The following KCNH7 variants were observed in gnomAD, a reference collection of about 807,000 sequenced individuals.
The protein encoded by KCNH7 is potassium voltage-gated channel subfamily H member 7, also known as voltage-gated inwardly rectifying potassium channel KCNH7.
KCNH7 carries 49 observed loss-of-function variants against 120.8 expected under a neutral mutation model. The observed-to-expected ratio is 0.41, with a 90% CI of 0.32 to 0.51. The LOEUF is 0.51. KCNH7 is among the 20% of genes least tolerant of loss of function. The pLI is 0.38. For synonymous variants in KCNH7, 547 were observed against 516.1 expected (o/e 1.06, Z -0.81); for missense variants, 1,097 against 1,446.6 (o/e 0.76, Z 3.92).
chr2:162,543,804 T>C (rs141684015), intron 2 of KCNH7, among the ~76,000 whole-genome samples: 35 of 152,160 alleles, frequency 2.3e-4, no homozygotes, highest in African/African-American at 7.9e-4. Context: ...GTGGGGAAGG[T>C]CAAATCAGAT....
chr2:162,565,162 G>C (rs1409486626), intron 2 of KCNH7, among the ~76,000 whole-genome samples: 1 of 152,078 alleles, frequency 6.6e-6, no homozygotes, highest in Non-Finnish European at 1.5e-5. Flanking sequence ...CTAGGAAGGA[G>C]TAATTATTTT....
intron 12 of KCNH7, among the ~76,000 whole-genome samples, chr2:162,387,288 T>C (rs1204028539): frequency 6.7e-6 from 1 of 150,064 alleles, no homozygotes; most frequent in Non-Finnish European, 1.5e-5. Context: ...GAAATGACAA[T>C]CTATTTGTAG....
intron 9 of KCNH7, among the ~76,000 whole-genome samples, chr2:162,421,315 G>A (rs938630179): frequency 4.6e-5 from 7 of 152,198 alleles, no homozygotes; most frequent in East Asian, 3.9e-4. Context: ...AATGCAAACC[G>A]TATACCCATA....
In KCNH7 at chr2:162,596,400, T is replaced by C. The variant is rs558003781; in HGVS notation, c.308-59320A>G. The stretch of plus-strand genomic sequence containing the variant: ...GACAGAGAGCCCAGAAATAAACTTA[T>C]GTAGCTATGGTCAATTGATTTTTTT... On this transcript the variant is annotated intron_variant, in intron 2 of 15. Transcript: ENST00000332142. Among the ~76,000 whole-genome samples, 10 of 152,164 alleles carry C rather than the reference T, an allele frequency of 6.6e-5. No homozygotes were observed. In the South Asian group the frequency reaches 2.1e-3, roughly 32 times the overall value.
chr2:162,596,574 A>T (rs1364974903), intron 2 of KCNH7, among the ~76,000 whole-genome samples: 1 of 152,082 alleles, frequency 6.6e-6, no homozygotes, highest in Non-Finnish European at 1.5e-5. Flanking sequence ...TTAAAGCCTT[A>T]AGTGTAAGGC....
chr2:162,709,606 C>T (rs1399131628), intron 2 of KCNH7, among the ~76,000 whole-genome samples: 1 of 151,970 alleles, frequency 6.6e-6, no homozygotes, highest in African/African-American at 2.4e-5. Context: ...CCACTACATT[C>T]TGTCCCTCTC....
chr2:162,708,274 C>T (rs530150631), intron 2 of KCNH7, among the ~76,000 whole-genome samples: 1 of 152,142 alleles, frequency 6.6e-6, no homozygotes, highest in Admixed American at 6.6e-5. Flanking sequence ...AGACTTGAGA[C>T]AGCAGCTAGA....
At chr2:162,535,990 C>T (rs1692091873) in intron 3 of KCNH7, among the ~76,000 whole-genome samples, 2 of 151,718 alleles carry the variant, frequency 1.3e-5, no homozygotes, top group Admixed American at 1.3e-4. Flanking sequence ...ACTGTATACT[C>T]TGCACTATAC....
intron 2 of KCNH7, among the ~76,000 whole-genome samples, chr2:162,652,082 G>A (rs1426402231): frequency 1.3e-5 from 2 of 151,998 alleles, no homozygotes; most frequent in African/African-American, 2.4e-5. Context: ...GGATATTAAA[G>A]AAAAATGTTT....
At position 162,469,855 on chromosome 2, in the gene KCNH7, C is replaced by T. The variant is rs1259908353; in HGVS notation, c.1129-23412G>A. ...CCGAGTGCCTGCGATTGCAGGCGCGCGCCGCCACGCCTGACTGGTTTTCAT... is the reference window on the plus strand; with the variant it reads ...CCGAGTGCCTGCGATTGCAGGCGCGTGCCGCCACGCCTGACTGGTTTTCAT... On this transcript the variant is annotated intron_variant, in intron 6 of 15. Transcript: ENST00000332142. Among the ~76,000 whole-genome samples, 9 of 152,296 alleles carry T rather than the reference C, an allele frequency of 5.9e-5. No homozygotes were observed. In the South Asian group the frequency reaches 8.3e-4, roughly 14 times the overall value.
intron 2 of KCNH7, among the ~76,000 whole-genome samples, chr2:162,752,995 AAAGAAAAGAAAAGAAAAGAAAAGAAAAG>A: frequency 2.1e-5 from 3 of 142,528 alleles, no homozygotes; most frequent in African/African-American, 8.2e-5. Context: ...AAAGAAAAGA[AAAGAAAAGAAAAGAAAAGAAAAGAAAAG>A]AAAAGAAACC....
At chr2:162,521,501 T>C (rs1691520034) in intron 3 of KCNH7, among the ~76,000 whole-genome samples, 1 of 151,908 alleles carries the variant, frequency 6.6e-6, no homozygotes, top group Admixed American at 6.6e-5. Flanking sequence ...AAAACACCTG[T>C]TACAGAAAAT....
At chr2:162,785,699 G>A (rs1683674891) in intron 2 of KCNH7, among the ~76,000 whole-genome samples, 1 of 147,080 alleles carries the variant, frequency 6.8e-6, no homozygotes, top group Non-Finnish European at 1.5e-5. Context: ...ATAGTTTTTT[G>A]TTTTTTGTTT....
At chr2:162,553,962 A>T (rs530561512) in intron 2 of KCNH7, among the ~76,000 whole-genome samples, 147 of 152,352 alleles carry the variant, frequency 9.6e-4, no homozygotes, top group African/African-American at 3.4e-3. Context: ...TGTTGGTAAC[A>T]ATCTTAGAAT....
chr2:162,571,982 A>G (rs887501154), intron 2 of KCNH7, among the ~76,000 whole-genome samples: 2 of 151,394 alleles, frequency 1.3e-5, no homozygotes, highest in African/African-American at 2.4e-5. Context: ...GGACATACGC[A>G]TGGGCAAGGA....
chr2:162,788,304 A>G (rs1683787663), intron 2 of KCNH7, among the ~76,000 whole-genome samples: 1 of 152,306 alleles, frequency 6.6e-6, no homozygotes, highest in African/African-American at 2.4e-5. Context: ...TAAGTTGAGA[A>G]CCATCTGTAA....
At chr2:162,726,736 T>C (rs553936108) in intron 2 of KCNH7, among the ~76,000 whole-genome samples, 5 of 152,268 alleles carry the variant, frequency 3.3e-5, no homozygotes, top group Admixed American at 3.3e-4. Flanking sequence ...TCTTTTTTAA[T>C]GGTCAAATTG....
intron 6 of KCNH7, among the ~76,000 whole-genome samples, chr2:162,499,702 C>T (rs1690612831): frequency 6.6e-6 from 1 of 152,084 alleles, no homozygotes; most frequent in South Asian, 2.1e-4. Context: ...TGCTTAATCC[C>T]ACGCAATACC....
chr2:162,371,509 G>C lies in KCNH7; in HGVS notation c.*320C>G, dbSNP rs1320877632. 1 of 1,200,102 alleles carries C rather than the reference G, an allele frequency of 8.3e-7. No homozygotes were observed. Among genetic ancestry groups the C allele is most frequent in the African/African-American group, 1.6e-5 (1 of 63,934 alleles). 74.3% of individuals were successfully genotyped at this position (1,200,102 alleles called of 1,614,324 possible). The stretch of plus-strand genomic sequence containing the variant: ...ATTTTCATAACGAAGTACTGGTTTA[G>C]TAAAAGCAGTAAATAGGAGTCTCCA... On this transcript the variant is annotated 3_prime_UTR_variant, in exon 16 of 16. Transcript: ENST00000332142.
Sources: allele counts gnomAD v4.1 joint callset (sites outside exome capture counted in the v4.1 genomes callset), GRCh38; gene constraint gnomAD v4.1.1; transcripts MANE v1.5; gene names NCBI Gene and HGNC (gene_info 2026-07-23, HGNC 2026-07-21).